The following MACROD2 variants were observed in gnomAD, a reference collection of about 807,000 sequenced individuals.
MACROD2 encodes ADP-ribose glycohydrolase MACROD2.
MACROD2 carries 36 observed loss-of-function variants against 70.4 expected under a neutral mutation model. That is an observed-to-expected ratio of 0.51 (90% CI 0.39 to 0.68). The LOEUF (loss-of-function observed/expected upper bound fraction) is 0.68. Among genes scored for constraint, MACROD2 ranks in the 30% least tolerant of loss-of-function variants. The pLI is 0.00. For synonymous variants in MACROD2, 172 were observed against 178.8 expected, an observed-to-expected ratio of 0.96 and a Z score of 0.30; for missense variants, 496 against 538.4, an observed-to-expected ratio of 0.92 and a Z score of 0.78.
intron 10 of MACROD2, among the ~76,000 whole-genome samples, chr20:15,889,827 C>G (rs972351621): frequency 5.9e-5 from 9 of 152,282 alleles, no homozygotes; most frequent in Non-Finnish European, 8.8e-5. Flanking sequence ...CAAAGCCATG[C>G]TCCTGGCAAA....
chr20:14,725,239 G>T (rs984364044), intron 5 of MACROD2, among the ~76,000 whole-genome samples: 9 of 152,130 alleles, frequency 5.9e-5, no homozygotes, highest in African/African-American at 2.2e-4. Flanking sequence ...GCTACTTCAG[G>T]GTATTAAGTA....
intron 3 of MACROD2, among the ~76,000 whole-genome samples, chr20:14,424,656 G>A (rs2083914434): frequency 2.6e-5 from 4 of 152,146 alleles, no homozygotes; most frequent in African/African-American, 9.7e-5. Flanking sequence ...AGCTAGAAAG[G>A]GTATTGTGAC....
chr20:15,956,583 C>T (rs777737814), intron 12 of MACROD2, among the ~76,000 whole-genome samples: 6 of 152,140 alleles, frequency 3.9e-5, no homozygotes, highest in East Asian at 3.9e-4. Flanking sequence ...GACACAAAAA[C>T]GAAATGCATA....
intron 7 of MACROD2, among the ~76,000 whole-genome samples, chr20:15,477,806 A>C (rs758895406): frequency 2.1e-4 from 32 of 152,202 alleles, no homozygotes; most frequent in Non-Finnish European, 2.6e-4. Flanking sequence ...TGGATGATCC[A>C]CATGGGCCCA....
At chr20:15,399,809 A>G (rs2045906146) in intron 6 of MACROD2, among the ~76,000 whole-genome samples, 1 of 152,220 alleles carries the variant, frequency 6.6e-6, no homozygotes, top group African/African-American at 2.4e-5. Context: ...TATGTCATAG[A>G]TGCACTTCCT....
chr20:15,638,640 T>C (rs1212143513), intron 8 of MACROD2, among the ~76,000 whole-genome samples: 2 of 152,172 alleles, frequency 1.3e-5, no homozygotes, highest in East Asian at 3.8e-4. Context: ...GATTCCTCTT[T>C]TGACAAATCC....
At chr20:15,170,480 G>T (rs1442816354) in intron 5 of MACROD2, among the ~76,000 whole-genome samples, 2 of 152,186 alleles carry the variant, frequency 1.3e-5, no homozygotes, top group Non-Finnish European at 2.9e-5. Context: ...TGCATCTGAT[G>T]ATGGGTCTGG....
At chr20:15,194,922 G>C (rs200369006) in intron 5 of MACROD2, among the ~76,000 whole-genome samples, 14,048 of 151,968 alleles carry the variant, frequency 0.092, 815 homozygotes, top group Non-Finnish European at 0.14. Context: ...AAATTATTTT[G>C]TAAGAAGTCT....
chr20:14,287,301 A>G (rs1178897830), intron 3 of MACROD2, among the ~76,000 whole-genome samples: 2 of 152,118 alleles, frequency 1.3e-5, no homozygotes, highest in African/African-American at 4.8e-5. Flanking sequence ...GAATAGAGCT[A>G]TTTGCCCTAT....
At chr20:15,707,220 C>T (rs1011362217) in intron 8 of MACROD2, among the ~76,000 whole-genome samples, 1 of 152,142 alleles carries the variant, frequency 6.6e-6, no homozygotes, top group African/African-American at 2.4e-5. Context: ...TTTAAGTAGT[C>T]CTTCTCAAAG....
chr20:14,561,521 A>G (rs1600387651), intron 4 of MACROD2, among the ~76,000 whole-genome samples: 1 of 151,802 alleles, frequency 6.6e-6, no homozygotes, highest in Non-Finnish European at 1.5e-5. Flanking sequence ...TACAAATGTT[A>G]TATTTTTATT....
intron 6 of MACROD2, among the ~76,000 whole-genome samples, chr20:15,410,668 C>CAA (rs2046065392): frequency 6.6e-6 from 1 of 152,064 alleles, no homozygotes; most frequent in Admixed American, 6.5e-5. Context: ...CACACACACA[C>CAA]ACACAAAGCA....
chr20:14,744,427 A>G (rs2071773286), intron 5 of MACROD2, among the ~76,000 whole-genome samples: 1 of 152,190 alleles, frequency 6.6e-6, no homozygotes. Context: ...TAATTAACAT[A>G]TATATTATCT....
At chr20:15,504,515 A>G (rs1419530240) in intron 8 of MACROD2, among the ~76,000 whole-genome samples, 3 of 152,242 alleles carry the variant, frequency 2.0e-5, no homozygotes, top group Admixed American at 2.0e-4. Flanking sequence ...AATTATTGCT[A>G]TGAGAAGATC....
chr20:15,009,969 C>G (rs569720623), intron 5 of MACROD2, among the ~76,000 whole-genome samples: 1 of 152,030 alleles, frequency 6.6e-6, no homozygotes, highest in African/African-American at 2.4e-5. Context: ...TTTTCTTAAC[C>G]TCAGCTTCAT....
intron 4 of MACROD2, among the ~76,000 whole-genome samples, chr20:14,623,975 A>G (rs565466764): frequency 1.7e-3 from 259 of 152,254 alleles, no homozygotes; most frequent in African/African-American, 5.9e-3. Flanking sequence ...AACAGTAAAA[A>G]CTTACAGTCT....
At chr20:15,463,870 T>C (rs1937806883) in intron 7 of MACROD2, among the ~76,000 whole-genome samples, 1 of 152,244 alleles carries the variant, frequency 6.6e-6, no homozygotes, top group Admixed American at 6.5e-5. Context: ...CCCCTGCTAT[T>C]AAGCACCTTG....
At chr20:15,548,220 TTTATC>T (rs1298255253) in intron 8 of MACROD2, among the ~76,000 whole-genome samples, 1 of 152,176 alleles carries the variant, frequency 6.6e-6, no homozygotes, top group African/African-American at 2.4e-5. Flanking sequence ...CCTTTTCTGA[TTTATC>T]TAGGAAAGAC....
chr20:15,145,807 T>C (rs1027043681), intron 5 of MACROD2, among the ~76,000 whole-genome samples: 1 of 152,080 alleles, frequency 6.6e-6, no homozygotes, highest in Non-Finnish European at 1.5e-5. Context: ...ACCTAAAAGA[T>C]GATGTTTGCA....
Sources: gnomAD v4.1 joint callset for allele counts (sites outside exome capture counted in the v4.1 genomes callset) on GRCh38, gnomAD v4.1.1 for gene constraint, MANE v1.5 for transcripts, NCBI Gene and HGNC (gene_info 2026-07-23, HGNC 2026-07-21) for gene names.